ARHGAP28: variants seen among roughly 807,000 people sequenced by gnomAD.
ARHGAP28 encodes the protein rho GTPase-activating protein 28.
ARHGAP28 carries 56 observed loss-of-function variants against 90.7 expected under a neutral mutation model. The ratio of observed to expected loss-of-function variants is 0.62; its 90% confidence interval spans 0.50 to 0.77. The LOEUF (loss-of-function observed/expected upper bound fraction) is 0.77. ARHGAP28 is among the 30% of genes least tolerant of loss of function. The pLI is 0.00. For synonymous variants in ARHGAP28, 308 were observed against 323.3 expected (o/e 0.95, Z 0.51); for missense variants, 869 against 900.9 (o/e 0.96, Z 0.45).
At chr18:6,908,505 G>A (rs1383729772) in intron 16 of ARHGAP28, among the ~76,000 whole-genome samples, 1 of 152,206 alleles carries the variant, frequency 6.6e-6, no homozygotes, top group Non-Finnish European at 1.5e-5. Flanking sequence ...TGCAAAGCTT[G>A]AGGCAAACTG....
Position 6,913,108 on chromosome 18 carries a change from C to A in ARHGAP28, c.*954C>A, listed in dbSNP as rs1453096783. ...AGAATGCTGAAAAATACTGTTCTAT[C>A]CAGGTTTCCTAAACTATAAAAGCAG... On this transcript the variant is annotated 3_prime_UTR_variant, in exon 18 of 18. Transcript: ENST00000383472. 6.6e-6 allele frequency: 1 copy of A among 152,062 alleles called. No homozygotes were observed. Among genetic ancestry groups the A allele is most frequent in the Non-Finnish European group, 1.5e-5 (1 of 68,036 alleles). The allele number at this position is 152,062 out of a possible 1,614,324, so 9.4% of individuals were successfully genotyped here. A position where few individuals can be genotyped will look rare whatever the true frequency, so the allele number is the denominator to read the frequency against.
chr18:6,870,807 T>C (rs1023881479), intron 7 of ARHGAP28, 75 bp downstream of exon 7: 8 of 1,338,998 alleles, frequency 6.0e-6, no homozygotes, highest in Non-Finnish European at 7.0e-6. Flanking sequence ...TTCTTTTTCT[T>C]TTTTTTTTTT....
chr18:6,883,337 C>A (rs1290643603), intron 11 of ARHGAP28, among the ~76,000 whole-genome samples: 1 of 151,654 alleles, frequency 6.6e-6, no homozygotes, highest in Non-Finnish European at 1.5e-5. Context: ...CCCCGGGATT[C>A]AAGCGATTCT....
intron 1 of ARHGAP28, among the ~76,000 whole-genome samples, chr18:6,770,636 C>A (rs2056234897): frequency 1.3e-5 from 2 of 152,160 alleles, no homozygotes; most frequent in South Asian, 4.1e-4. Flanking sequence ...TTTGTCAAGC[C>A]AGAGGCTACT....
At chr18:6,877,742 T>G (rs1189866657) in intron 10 of ARHGAP28, among the ~76,000 whole-genome samples, 1 of 152,222 alleles carries the variant, frequency 6.6e-6, no homozygotes, top group Non-Finnish European at 1.5e-5. Context: ...GTTTCTCGTG[T>G]GTTTCGTTCT....
chr18:6,835,197 C>CT (rs1210997012), intron 2 of ARHGAP28, among the ~76,000 whole-genome samples: 1 of 152,172 alleles, frequency 6.6e-6, no homozygotes, highest in Non-Finnish European at 1.5e-5. Context: ...ACCAAGTACT[C>CT]TTTCCTCCCA....
At chr18:6,887,135 A>G in intron 11 of ARHGAP28, 22 bp from the exon 12 acceptor site, 3 of 1,603,478 alleles carry the variant, frequency 1.9e-6, no homozygotes, top group Non-Finnish European at 2.6e-6. Flanking sequence ...AAAATGTATG[A>G]CTATTTCTGT....
chr18:6,817,089 A>G (rs1297550445), intron 1 of ARHGAP28, among the ~76,000 whole-genome samples: 2 of 150,956 alleles, frequency 1.3e-5, no homozygotes, highest in Admixed American at 6.6e-5. Flanking sequence ...CTGTCTTAAA[A>G]AAAAAAAAAA....
chr18:6,841,319 C>G (rs1030489129), intron 3 of ARHGAP28, among the ~76,000 whole-genome samples: 5 of 147,622 alleles, frequency 3.4e-5, no homozygotes, highest in African/African-American at 7.5e-5. Context: ...CATTTACCTA[C>G]ATTAATTGAA....
At chr18:6,838,977 C>T (rs186497185) in intron 3 of ARHGAP28, among the ~76,000 whole-genome samples, 58 of 152,210 alleles carry the variant, frequency 3.8e-4, no homozygotes, top group African/African-American at 1.3e-3. Context: ...TCTGACCATC[C>T]GTATCAGATG....
intron 1 of ARHGAP28, among the ~76,000 whole-genome samples, chr18:6,767,095 A>AT (rs2056205582): frequency 6.6e-6 from 1 of 151,280 alleles, no homozygotes; most frequent in Admixed American, 6.6e-5. Flanking sequence ...TTTTTTTAGT[A>AT]TTTTATTTTA....
chr18:6,894,609 CTG>C (rs2057291387), intron 14 of ARHGAP28, among the ~76,000 whole-genome samples: 1 of 152,210 alleles, frequency 6.6e-6, no homozygotes. Context: ...CTGTTACAAT[CTG>C]TGTGTCAGCA....
At chr18:6,890,133 A>G (rs751383922) in intron 13 of ARHGAP28, 48 bp downstream of exon 13, 3 of 1,600,536 alleles carry the variant, frequency 1.9e-6, no homozygotes, top group South Asian at 2.2e-5. Context: ...CCATGTCCCC[A>G]GGAAACATAA....
intron 1 of ARHGAP28, among the ~76,000 whole-genome samples, chr18:6,750,848 A>G (rs1376202443): frequency 1.3e-5 from 2 of 152,252 alleles, no homozygotes; most frequent in Non-Finnish European, 2.9e-5. Flanking sequence ...GGACATATTT[A>G]AAACATAGCA....
chr18:6,779,406 C>T (rs551507288), intron 1 of ARHGAP28, among the ~76,000 whole-genome samples: 1 of 152,322 alleles, frequency 6.6e-6, no homozygotes, highest in South Asian at 2.1e-4. Context: ...TTATCAGGAA[C>T]TGCATACATT....
chr18:6,780,299 GA>G (rs796987162), intron 1 of ARHGAP28, among the ~76,000 whole-genome samples: 54 of 148,972 alleles, frequency 3.6e-4, no homozygotes, highest in East Asian at 1.6e-3. Flanking sequence ...AATATTTGGG[GA>G]AAAAAAAACA....
At chr18:6,909,539 C>T (rs1338153463) in intron 17 of ARHGAP28, among the ~76,000 whole-genome samples, 5 of 151,806 alleles carry the variant, frequency 3.3e-5, no homozygotes, top group South Asian at 2.1e-4. Flanking sequence ...GTGATCCACC[C>T]GCCTCGGCCT....
intron 2 of ARHGAP28, among the ~76,000 whole-genome samples, chr18:6,827,550 CCCA>C (rs2056678731): frequency 7.0e-6 from 1 of 142,904 alleles, no homozygotes. Context: ...GGCTGACCCC[CCCA>C]CCTCCCTCCC....
chr18:6,767,707 AAT>A (rs1256983128), intron 1 of ARHGAP28, among the ~76,000 whole-genome samples: 2 of 152,176 alleles, frequency 1.3e-5, no homozygotes, highest in East Asian at 3.9e-4. Flanking sequence ...TTCTGTATGT[AAT>A]ATGTCTGTTT....
Sources: gnomAD v4.1 joint callset for allele counts (sites outside exome capture counted in the v4.1 genomes callset) on GRCh38, gnomAD v4.1.1 for gene constraint, MANE v1.5 for transcripts, NCBI Gene and HGNC (gene_info 2026-07-23, HGNC 2026-07-21) for gene names.